Variants in GLDN observed in about 807,000 individuals in gnomAD.
The protein encoded by GLDN is collomin.
In GLDN, 47 loss-of-function variants were observed where a neutral mutation model predicts 56.5. The ratio of observed to expected loss-of-function variants is 0.83; its 90% CI spans 0.66 to 1.06. GLDN has a LOEUF of 1.06. GLDN is among the 50% of genes least tolerant of loss of function. GLDN has a pLI of 0.00. For synonymous variants in GLDN, 332 were observed against 278.8 expected, an observed-to-expected ratio of 1.19 and a Z score of -1.90; for missense variants, 782 against 714.3, an observed-to-expected ratio of 1.09 and a Z score of -1.08.
intron 8 of GLDN, 30 bp from the exon 9 acceptor site, chr15:51,401,563 A>G (rs777245144): frequency 2.9e-5 from 47 of 1,598,750 alleles, no homozygotes; most frequent in Admixed American, 8.5e-5. Context: ...GGAGGTAGGT[A>G]ACAGCCTCTC....
At chr15:51,413,202 G>A in the GLDN span, among the ~76,000 whole-genome samples, 22 of 152,032 alleles carry the variant, frequency 1.4e-4, no homozygotes, top group African/African-American at 4.4e-4. Context: ...TTACTTTAGG[G>A]TTTATAATGT....
chr15:51,364,031 A>G (rs1057105384), intron 1 of GLDN, among the ~76,000 whole-genome samples: 4 of 152,022 alleles, frequency 2.6e-5, no homozygotes, highest in African/African-American at 9.7e-5. Context: ...TTTTCTCTTC[A>G]TCATATGTTT....
At chr15:51,344,111 T>C (rs2036935173) in intron 1 of GLDN, among the ~76,000 whole-genome samples, 1 of 152,240 alleles carries the variant, frequency 6.6e-6, no homozygotes, top group Non-Finnish European at 1.5e-5. Flanking sequence ...CTGCTACCAA[T>C]GCTACTGGCC....
chr15:51,383,946 C>A, intron 4 of GLDN, 54 bp downstream of exon 4: 1 of 1,318,580 alleles, frequency 7.6e-7, no homozygotes, highest in Non-Finnish European at 1.1e-6. Context: ...TCCATGATTG[C>A]ATTTGGGTCG....
chr15:51,404,917 G>A lies in GLDN; in HGVS notation c.*163G>A. 1.6e-6 allele frequency: 1 copy of A among 608,182 alleles called. No homozygotes were observed. The highest frequency in any genetic ancestry group is 2.0e-5 in the South Asian group (1 of 50,574). 37.7% of individuals were successfully genotyped at this position (608,182 alleles called of 1,614,324 possible). ...CCGCTTAGTGAAATAGCAACAGATT[G>A]GAAGTTGAAATGGCTGAGATTTGGT... On this transcript the variant is annotated 3_prime_UTR_variant, in exon 10 of 10. Transcript: ENST00000335449.
At position 51,397,454 on chromosome 15, in the gene GLDN, C is replaced by A. The variant is rs763760292; in HGVS notation, c.689-16C>A. 1.2e-5 allele frequency: 16 copies of A among 1,350,622 alleles called. No individual in the cohort carries two copies. The South Asian group carries it at 2.7e-4, about 22-fold the overall frequency. The allele number at this position is 1,350,622 out of a possible 1,614,324, so 83.7% of individuals were successfully genotyped here. The stretch of plus-strand genomic sequence containing the variant: ...CTCTTGCCTCCTTCTCTCCCTTTCT[C>A]TCTCTCTCTCTCCAGGTGCCAAAGG... On this transcript the variant is annotated splice_polypyrimidine_tract_variant and intron_variant, in intron 5 of 9. Coordinates refer to ENST00000335449, the MANE Select transcript of GLDN (RefSeq NM_181789.4).
chr15:51,398,005 T>TA (rs2038172029), intron 6 of GLDN, among the ~76,000 whole-genome samples: 1 of 152,228 alleles, frequency 6.6e-6, no homozygotes, highest in South Asian at 2.1e-4. Context: ...TCACGAATAG[T>TA]AACAACAGTG....
intron 4 of GLDN, among the ~76,000 whole-genome samples, chr15:51,389,016 G>A (rs2037960388): frequency 6.6e-6 from 1 of 152,160 alleles, no homozygotes; most frequent in African/African-American, 2.4e-5. Context: ...GTTGATTTTT[G>A]TCCCTCTCAT....
downstream of GLDN, among the ~76,000 whole-genome samples, chr15:51,411,472 A>AT (rs2141148395): frequency 6.6e-6 from 1 of 152,298 alleles, no homozygotes; most frequent in East Asian, 1.9e-4. Context: ...ATTTGGAAGT[A>AT]AAGGGGAAAT....
At chr15:51,370,730 G>A (rs1229204756) in intron 1 of GLDN, among the ~76,000 whole-genome samples, 2 of 152,010 alleles carry the variant, frequency 1.3e-5, no homozygotes, top group East Asian at 1.9e-4. Context: ...AGTGGCTCAC[G>A]CCTGTAATCC....
At chr15:51,357,983 C>T (rs551913543) in intron 1 of GLDN, among the ~76,000 whole-genome samples, 193 of 152,190 alleles carry the variant, frequency 1.3e-3, no homozygotes, top group African/African-American at 4.4e-3. Context: ...AGGCACTATC[C>T]GGGACATCAA....
downstream of GLDN, among the ~76,000 whole-genome samples, chr15:51,411,733 A>G (rs904571220): frequency 6.6e-6 from 1 of 152,216 alleles, no homozygotes; most frequent in Non-Finnish European, 1.5e-5. Flanking sequence ...TTGTTCTCAA[A>G]CTTTTGACAA....
intron 1 of GLDN, among the ~76,000 whole-genome samples, chr15:51,358,289 G>C (rs2446412): frequency 0.16 from 25,012 of 152,176 alleles, 2,565 homozygotes; most frequent in East Asian, 0.49. Context: ...CAATTTGCCA[G>C]TGCCTACCCT....
In GLDN at chr15:51,362,967, T is replaced by TA. The variant is rs2037330486; in HGVS notation, c.364-14481dup. On this transcript the variant is annotated intron_variant, in intron 1 of 9. Coordinates refer to ENST00000335449, the MANE Select transcript of GLDN (RefSeq NM_181789.4). ...AATGTGATGTGAGAGGGGAAAAAAATAGAGGAATTGAAGGACTTCAAGGTT... is the reference window on the plus strand; with the variant it reads ...AATGTGATGTGAGAGGGGAAAAAAATAAGAGGAATTGAAGGACTTCAAGGTT... 2.0e-5 allele frequency among the ~76,000 whole-genome samples: 3 copies of TA among 151,362 alleles called. No individual in the cohort carries two copies. The South Asian group carries it at 6.3e-4, about 32-fold the overall frequency.
rs1245719802 is a variant in GLDN, at chr15:51,404,853, A to G, written c.*99A>G. On this transcript the variant is annotated 3_prime_UTR_variant, in exon 10 of 10. Coordinates refer to ENST00000335449, the MANE Select transcript of GLDN (RefSeq NM_181789.4). Reference sequence around the variant, plus strand: ...TTTTTTTAACGTCAGCCAGATATTTAGAAAATAACCTCAAAAGTGTTTATA... The same window carrying G: ...TTTTTTTAACGTCAGCCAGATATTTGGAAAATAACCTCAAAAGTGTTTATA... The G allele has an allele frequency of 2.9e-6, 2 of 691,896 alleles. No individual in the cohort carries two copies. Among genetic ancestry groups the G allele is most frequent in the Non-Finnish European group, 5.1e-6 (2 of 391,776 alleles). The allele number at this position is 691,896 out of a possible 1,614,324, so 42.9% of individuals were successfully genotyped here. A position where few individuals can be genotyped will look rare whatever the true frequency, so the allele number is the denominator to read the frequency against.
At position 51,406,536 on chromosome 15, in the gene GLDN, G is replaced by A. The variant is rs929155680; in HGVS notation, c.*1782G>A. The A allele has an allele frequency of 3.3e-5, 5 of 152,190 alleles. No individual in the cohort carries two copies. The highest frequency in any genetic ancestry group is 1.2e-4 in the African/African-American group (5 of 41,442). The allele number at this position is 152,190 out of a possible 1,614,324, so 9.4% of individuals were successfully genotyped here. A position where few individuals can be genotyped will look rare whatever the true frequency, so the allele number is the denominator to read the frequency against. ...AAAACTTAGGGTTGAACTGGGCATG[G>A]TGGCACATAACTGCAATCCCAGCTA... On this transcript the variant is annotated 3_prime_UTR_variant, in exon 10 of 10. Coordinates refer to ENST00000335449, the MANE Select transcript of GLDN (RefSeq NM_181789.4).
In GLDN at chr15:51,394,957, G is replaced by A. The variant is rs1482460053; in HGVS notation, c.664G>A (p.Val222Met). ...QKGEKGDKGD[V>M]SNDVLLAGAK... is the part of the protein sequence containing the mutation. ...GGGAGAAAAGGGTGACAAAGGAGAT[G>A]TGTCCAACGACGTGCTCCTGGCAGG... Residue 222 changes from valine to methionine, a missense_variant, in exon 5 of 10, where the codon GTG (valine) becomes ATG (methionine). Val to Met is a conservative substitution (Grantham distance 21, BLOSUM62 1). Coordinates refer to ENST00000335449, the MANE Select transcript of GLDN (RefSeq NM_181789.4). The A allele has an allele frequency of 3.1e-6, 5 of 1,608,762 alleles. No homozygotes were observed. In the African/African-American group the frequency reaches 6.7e-5, roughly 22 times the overall value.
At chr15:51,389,019 C>G (rs1468659559) in intron 4 of GLDN, among the ~76,000 whole-genome samples, 2 of 152,260 alleles carry the variant, frequency 1.3e-5, no homozygotes, top group East Asian at 3.9e-4. Context: ...GATTTTTGTC[C>G]CTCTCATTCC....
rs183932909 is a variant in GLDN, at chr15:51,394,680, C to A, written c.542-155C>A. ...CCTGGAAATGCTGTTCTTTAATGAA[C>A]GTATGGTCACACTGCTGCTCTAAAA... On this transcript the variant is annotated intron_variant, in intron 4 of 9. Coordinates refer to ENST00000335449, the MANE Select transcript of GLDN (RefSeq NM_181789.4). Among the ~76,000 whole-genome samples, 202 of 152,246 alleles carry A rather than the reference C, an allele frequency of 1.3e-3. 1 individual carries two copies. Among genetic ancestry groups the A allele is most frequent in the African/African-American group, 4.6e-3 (191 of 41,548 alleles).
Sources: gnomAD v4.1 joint callset for allele counts (sites outside exome capture counted in the v4.1 genomes callset) on GRCh38, gnomAD v4.1.1 for gene constraint, MANE v1.5 for transcripts, NCBI Gene and HGNC (gene_info 2026-07-23, HGNC 2026-07-21) for gene names.